Variants in IFFO2 observed in about 807,000 individuals in gnomAD.
IFFO2 encodes intermediate filament family orphan 2.
Under a neutral mutation model 53.5 loss-of-function variants are expected in IFFO2, and 19 were observed. The observed-to-expected ratio is 0.36, with a 90% CI of 0.25 to 0.52. The LOEUF (loss-of-function observed/expected upper bound fraction) is 0.52, where lower values mean the gene tolerates loss of function less well. IFFO2 is among the 20% of genes least tolerant of loss of function. The probability of loss-of-function intolerance (pLI) is 0.94; values close to 1 mark genes in which losing one functional copy is unlikely to be tolerated. For synonymous variants in IFFO2, 303 were observed against 313.6 expected, an observed-to-expected ratio of 0.97 and a Z score of 0.36; for missense variants, 570 against 727.4, an observed-to-expected ratio of 0.78 and a Z score of 2.49.
At chr1:18,940,602 T>C (rs1295935227) in intron 1 of IFFO2, among the ~76,000 whole-genome samples, 2 of 143,420 alleles carry the variant, frequency 1.4e-5, no homozygotes, top group African/African-American at 5.3e-5. Flanking sequence ...GATGGATGGA[T>C]GGATGGACAG....
At chr1:18,908,704 G>GC in intron 8 of IFFO2, 38 bp from the exon 9 acceptor site, 1 of 1,448,680 alleles carries the variant, frequency 6.9e-7, no homozygotes, top group African/African-American at 1.4e-5. Flanking sequence ...TCAGAGAGCA[G>GC]CCCTGGGCCT....
intron 1 of IFFO2, among the ~76,000 whole-genome samples, chr1:18,933,145 G>A (rs1363400593): frequency 2.0e-5 from 3 of 152,228 alleles, no homozygotes; most frequent in East Asian, 1.9e-4. Context: ...GGCGAGTTCC[G>A]GAGCTCTCGC....
chr1:18,942,579 C>T (rs1327954033), intron 1 of IFFO2, among the ~76,000 whole-genome samples: 1 of 152,214 alleles, frequency 6.6e-6, no homozygotes, highest in Non-Finnish European at 1.5e-5. Context: ...AGCAGTGTCA[C>T]CTCAGAGCCA....
intron 7 of IFFO2, 24 bp downstream of exon 7, chr1:18,911,360 G>A (rs779481144): frequency 7.6e-7 from 1 of 1,310,330 alleles, no homozygotes; most frequent in South Asian, 1.5e-5. Context: ...CCTCACGAGT[G>A]GGCTCCACGT....
At chr1:18,921,991 A>G (rs1268093514) in intron 1 of IFFO2, among the ~76,000 whole-genome samples, 4 of 152,164 alleles carry the variant, frequency 2.6e-5, no homozygotes, top group Admixed American at 6.5e-5. Flanking sequence ...ACTTTGTACC[A>G]GGCACTGTTC....
At chr1:18,912,331 T>G (rs180830770) in intron 5 of IFFO2, among the ~76,000 whole-genome samples, 1 of 152,326 alleles carries the variant, frequency 6.6e-6, no homozygotes, top group Admixed American at 6.5e-5. Context: ...ATGTCAGGCT[T>G]TAATTAATTG....
chr1:18,942,923 C>T (rs1232182251), intron 1 of IFFO2, among the ~76,000 whole-genome samples: 3 of 150,888 alleles, frequency 2.0e-5, no homozygotes, highest in Non-Finnish European at 4.4e-5. Context: ...ACTGCAACCT[C>T]CACCTTGCGG....
At position 18,919,725 on chromosome 1, in the gene IFFO2, C is replaced by G. The variant is rs555604341; in HGVS notation, c.775G>C (p.Glu259Gln). Residue 259 changes from glutamate to glutamine, a missense_variant, in exon 3 of 9, where the codon GAG becomes CAG. Transcript: ENST00000455833. This position sits in a 1 kb window ranked among gnomAD's most constrained non-coding sequence, Gnocchi z 4.9. Reference sequence around the variant, plus strand: ...ACCACCAGCTCGGCCTTGAGCCGCTCGATCTTCTCATTCATCTCCTCCTGG... The same window carrying G: ...ACCACCAGCTCGGCCTTGAGCCGCTGGATCTTCTCATTCATCTCCTCCTGG... ...AIQEEMNEKI[E>Q]RLKAELVVFK... 2 of 1,551,658 alleles carry G rather than the reference C, an allele frequency of 1.3e-6. No individual in the cohort carries two copies. Among genetic ancestry groups the G allele is most frequent in the South Asian group, 1.2e-5 (1 of 84,060 alleles).
Position 18,928,334 on chromosome 1 carries a change from G to A in IFFO2, c.666-7213C>T, listed in dbSNP as rs776462424. Among the ~76,000 whole-genome samples, 12 of 152,166 alleles carry A rather than the reference G, an allele frequency of 7.9e-5. No homozygotes were observed. Among genetic ancestry groups the A allele is most frequent in the Admixed American group, 2.0e-4 (3 of 15,282 alleles). On this transcript the variant is annotated intron_variant, in intron 1 of 8. Coordinates refer to ENST00000455833, the MANE Select transcript of IFFO2 (RefSeq NM_001136265.2). This position sits in a 1 kb window ranked among gnomAD's most constrained non-coding sequence, Gnocchi z 4.9. ...TGCCCAGCTGTACTCTCCAGCTCTC[G>A]GAAGGAAAGACAAATTAAATGCCAA...
rs1014581968 is a variant in IFFO2 at position 18,921,047 on chromosome 1, C to G, written c.726+14G>C. 3 of 1,551,246 alleles carry G rather than the reference C, an allele frequency of 1.9e-6. No individual in the cohort carries two copies. Among genetic ancestry groups the G allele is most frequent in the Non-Finnish European group, 1.7e-6 (2 of 1,146,538 alleles). ...GGCGTGCCTCTCCTGGTCGGGATAT[C>G]GGAGGGCTCTTACCTCCTGCAGCGT... On this transcript the variant is annotated intron_variant, in intron 2 of 8. Transcript: ENST00000455833.
Position 18,919,654 on chromosome 1 carries a change from C to A in IFFO2, c.822+24G>T. The A allele has an allele frequency of 6.6e-7, 1 of 1,521,618 alleles. No homozygotes were observed. The highest frequency in any genetic ancestry group is 8.9e-7 in the Non-Finnish European group (1 of 1,119,694). The allele number at this position is 1,521,618 out of a possible 1,614,324, so 94.3% of individuals were successfully genotyped here. ...ATGGGTGTGGGGGAGGTCATGACAC[C>A]CAGGGGCGGCGGGCGGCACTTACGT... On this transcript the variant is annotated intron_variant, in intron 3 of 8. Transcript: ENST00000455833. The surrounding 1 kb of genome is among the most constrained non-coding windows in gnomAD (Gnocchi z 4.9).
chr1:18,926,117 A>ATGGATG (rs1936293098), intron 1 of IFFO2, among the ~76,000 whole-genome samples: 60 of 35,498 alleles, frequency 1.7e-3, no homozygotes, highest in African/African-American at 6.2e-3. Flanking sequence ...TTGGATGGAT[A>ATGGATG]GATGGATGGA....
chr1:18,923,378 C>T (rs894753101), intron 1 of IFFO2, among the ~76,000 whole-genome samples: 1 of 152,164 alleles, frequency 6.6e-6, no homozygotes, highest in African/African-American at 2.4e-5. Context: ...ACGGAGAAAA[C>T]GAGGACCAGA....
At position 18,906,215 on chromosome 1, in the gene IFFO2, T is replaced by A. The variant is rs1935946328; in HGVS notation, c.*2346A>T. ...GCCAGAAGGGACTCTCAGGCCAGGATCTCTTTCTGGCTCCTGCAGTTTTCA... is the reference window on the plus strand; with the variant it reads ...GCCAGAAGGGACTCTCAGGCCAGGAACTCTTTCTGGCTCCTGCAGTTTTCA... On this transcript the variant is annotated 3_prime_UTR_variant, in exon 9 of 9. Transcript: ENST00000455833. 1 of 152,182 alleles carries A rather than the reference T, an allele frequency of 6.6e-6. No individual in the cohort carries two copies. Among genetic ancestry groups the A allele is most frequent in the Non-Finnish European group, 1.5e-5 (1 of 68,042 alleles). 9.4% of individuals were successfully genotyped at this position (152,182 alleles called of 1,614,324 possible). A position where few individuals can be genotyped will look rare whatever the true frequency, so the allele number is the denominator to read the frequency against.
In IFFO2 at chr1:18,917,123, G is replaced by A; in HGVS notation, c.964-81C>T. 2.8e-6 allele frequency: 4 copies of A among 1,450,812 alleles called. No individual in the cohort carries two copies. Among genetic ancestry groups the A allele is most frequent in the South Asian group, 2.6e-5 (2 of 78,042 alleles). 89.9% of individuals were successfully genotyped at this position (1,450,812 alleles called of 1,614,324 possible). A position where few individuals can be genotyped will look rare whatever the true frequency, so the allele number is the denominator to read the frequency against. On this transcript the variant is annotated intron_variant, in intron 4 of 8. Transcript: ENST00000455833. The surrounding 1 kb of genome is among the most constrained non-coding windows in gnomAD (Gnocchi z 5.9). ...TAGGGGTGAACTGGGAAGGGAGCCGGCATCTCACAGGATGATGAGCGTGAC... is the reference window on the plus strand; with the variant it reads ...TAGGGGTGAACTGGGAAGGGAGCCGACATCTCACAGGATGATGAGCGTGAC...
chr1:18,921,171 A>T (rs761009417), intron 1 of IFFO2, 50 bp from the exon 2 acceptor site: 19 of 1,498,478 alleles, frequency 1.3e-5, no homozygotes, highest in Non-Finnish European at 4.6e-6. Context: ...TCCCTGTGCC[A>T]GTCCAGCCCT....
rs1234922492 is a variant in IFFO2 at position 18,947,027 on chromosome 1, T to C, written c.665+8641A>G. On this transcript the variant is annotated intron_variant, in intron 1 of 8. Coordinates refer to ENST00000455833, the MANE Select transcript of IFFO2 (RefSeq NM_001136265.2). This position sits in a 1 kb window ranked among gnomAD's most constrained non-coding sequence, Gnocchi z 5.0. ...CCACATGGCATGACACATTTGTCTA[T>C]GTCCCCAGATTCTGAGTTCTCGAGG... 1.3e-5 allele frequency among the ~76,000 whole-genome samples: 2 copies of C among 152,242 alleles called. No individual in the cohort carries two copies. The highest frequency in any genetic ancestry group is 2.9e-5 in the Non-Finnish European group (2 of 68,042).
In IFFO2 at chr1:18,917,087, A is replaced by G; in HGVS notation, c.964-45T>C. On this transcript the variant is annotated intron_variant, in intron 4 of 8. Coordinates refer to ENST00000455833, the MANE Select transcript of IFFO2 (RefSeq NM_001136265.2). This position sits in a 1 kb window ranked among gnomAD's most constrained non-coding sequence, Gnocchi z 5.9. Reference sequence around the variant, plus strand: ...ATCAAGGTAACTGGGGGGCTCGGCTAGGATGGAAGGTAGGGGTGAACTGGG... The same window carrying G: ...ATCAAGGTAACTGGGGGGCTCGGCTGGGATGGAAGGTAGGGGTGAACTGGG... 1.9e-6 allele frequency: 3 copies of G among 1,547,594 alleles called. No individual in the cohort carries two copies. Among genetic ancestry groups the G allele is most frequent in the Non-Finnish European group, 2.6e-6 (3 of 1,144,548 alleles).
chr1:18,934,057 CTTTTTTTTT>C (rs71577808), intron 1 of IFFO2, among the ~76,000 whole-genome samples: 3 of 70,326 alleles, frequency 4.3e-5, no homozygotes, highest in African/African-American at 2.1e-4. Context: ...TCTCTTATTT[CTTTTTTTTT>C]TTTTTTTTTT....
Sources: gnomAD v4.1 joint callset for allele counts (sites outside exome capture counted in the v4.1 genomes callset) on GRCh38, gnomAD v4.1.1 for gene constraint, Gnocchi (gnomAD v3.1) non-coding constraint, MANE v1.5 for transcripts, NCBI Gene and HGNC (gene_info 2026-07-23, HGNC 2026-07-21) for gene names.